Variants in ADAMTS17 observed in about 807,000 individuals in gnomAD.
ADAMTS17 encodes ADAM metallopeptidase with thrombospondin type 1 motif 17.
Under a neutral mutation model 141.5 loss-of-function variants are expected in ADAMTS17, and 113 were observed. That is an observed-to-expected ratio of 0.80 (90% CI 0.69 to 0.93). The LOEUF (loss-of-function observed/expected upper bound fraction) is 0.93, where lower values mean the gene tolerates loss of function less well. ADAMTS17 is among the 40% of genes least tolerant of loss of function. The pLI is 0.00. For synonymous variants in ADAMTS17, 768 were observed against 630.6 expected (o/e 1.22, Z -3.27); for missense variants, 1,659 against 1,517.9 (o/e 1.09, Z -1.54).
chr15:100,046,575 C>G (rs370975611), intron 18 of ADAMTS17, among the ~76,000 whole-genome samples: 1 of 152,186 alleles, frequency 6.6e-6, no homozygotes, highest in Non-Finnish European at 1.5e-5. Context: ...GGCAGAAGAA[C>G]GTGGATTGTG....
chr15:100,026,586 A>G (rs1286737585), intron 18 of ADAMTS17, among the ~76,000 whole-genome samples: 1 of 152,228 alleles, frequency 6.6e-6, no homozygotes, highest in Non-Finnish European at 1.5e-5. Context: ...ACCTTATGCT[A>G]TCACACTTCA....
At chr15:100,093,403 G>C (rs34356112) in intron 15 of ADAMTS17, among the ~76,000 whole-genome samples, 30,779 of 151,862 alleles carry the variant, frequency 0.2, 3,789 homozygotes, top group East Asian at 0.53. Flanking sequence ...GATATTCACC[G>C]TTAAGGGTGA....
intron 8 of ADAMTS17, among the ~76,000 whole-genome samples, chr15:100,172,489 C>T (rs2141477316): frequency 6.6e-6 from 1 of 152,280 alleles, no homozygotes; most frequent in South Asian, 2.1e-4. Context: ...CTGCCCCATC[C>T]TGACTCATCC....
chr15:100,066,617 T>C (rs886135376), intron 15 of ADAMTS17, among the ~76,000 whole-genome samples: 1 of 152,206 alleles, frequency 6.6e-6, no homozygotes, highest in African/African-American at 2.4e-5. Context: ...ATGGTGTTCT[T>C]GGGCATTTGA....
intron 3 of ADAMTS17, among the ~76,000 whole-genome samples, chr15:100,327,921 C>T (rs981201766): frequency 6.6e-6 from 1 of 152,210 alleles, no homozygotes; most frequent in African/African-American, 2.4e-5. Context: ...TCCTTCTAGC[C>T]ACCAACCCTG....
In ADAMTS17 at chr15:100,330,879, C is replaced by T. The variant is rs1385879125; in HGVS notation, c.616+10G>A. The T allele has an allele frequency of 6.2e-6, 10 of 1,613,858 alleles. No homozygotes were observed. Among genetic ancestry groups the T allele is most frequent in the East Asian group, 2.2e-5 (1 of 44,860 alleles). On this transcript the variant is annotated intron_variant, in intron 3 of 21. Coordinates refer to ENST00000268070, the MANE Select transcript of ADAMTS17 (RefSeq NM_139057.4). ...TGTTCTAAGCTGGTCATGCTGCTGC[C>T]CCGACTCACCTGTTAGAACCTTGCA...
chr15:100,155,355 T>C (rs780218536), intron 8 of ADAMTS17, 35 bp from the exon 9 acceptor site: 31 of 1,602,364 alleles, frequency 1.9e-5, no homozygotes, highest in Non-Finnish European at 2.6e-5. Context: ...ATGCTTATGC[T>C]ACAAGCTTCT....
At chr15:100,107,883 G>A (rs1281874256) in intron 14 of ADAMTS17, among the ~76,000 whole-genome samples, 1 of 152,160 alleles carries the variant, frequency 6.6e-6, no homozygotes, top group Non-Finnish European at 1.5e-5. Flanking sequence ...TGACTAAGAT[G>A]CTGGGGCTCT....
In ADAMTS17 at chr15:100,262,503, G is replaced by C; in HGVS notation, c.790-68C>G. 3 of 1,193,406 alleles carry C rather than the reference G, an allele frequency of 2.5e-6. No homozygotes were observed. In the South Asian group the frequency reaches 4.0e-5, roughly 16 times the overall value. The allele number at this position is 1,193,406 out of a possible 1,614,324, so 73.9% of individuals were successfully genotyped here. A position where few individuals can be genotyped will look rare whatever the true frequency, so the allele number is the denominator to read the frequency against. ...ATTTTAAAAATACAGTAGTATCCTA[G>C]ATGGGAACTTGGGACACAGAAAAGA... On this transcript the variant is annotated intron_variant, in intron 4 of 21. Transcript: ENST00000268070.
At chr15:100,234,592 C>T (rs907801343) in intron 7 of ADAMTS17, among the ~76,000 whole-genome samples, 2 of 152,226 alleles carry the variant, frequency 1.3e-5, no homozygotes, top group African/African-American at 2.4e-5. Flanking sequence ...TGGTCCAACA[C>T]GTGACTGTCT....
At chr15:100,020,243 A>G (rs955952381) in intron 18 of ADAMTS17, among the ~76,000 whole-genome samples, 2 of 152,172 alleles carry the variant, frequency 1.3e-5, no homozygotes, top group Admixed American at 1.3e-4. Flanking sequence ...CTGCTGCTCC[A>G]CTTTGGACAT....
At chr15:100,003,128 A>C (rs966037503) in intron 18 of ADAMTS17, among the ~76,000 whole-genome samples, 3 of 151,902 alleles carry the variant, frequency 2.0e-5, no homozygotes, top group Admixed American at 1.3e-4. Flanking sequence ...CAGCCTCCCA[A>C]CCCCACCATG....
intron 2 of ADAMTS17, among the ~76,000 whole-genome samples, chr15:100,331,408 C>T (rs2046050364): frequency 6.6e-6 from 1 of 152,094 alleles, no homozygotes; most frequent in African/African-American, 2.4e-5. Flanking sequence ...ACCTGGGAGG[C>T]AACACTGAAA....
At chr15:100,018,215 C>T (rs80084784) in intron 18 of ADAMTS17, among the ~76,000 whole-genome samples, 2,313 of 152,308 alleles carry the variant, frequency 0.015, 57 homozygotes, top group African/African-American at 0.051. Flanking sequence ...CCTCAATGTG[C>T]ATCTGTGTCG....
At chr15:100,340,316 G>A (rs1219817687) in intron 2 of ADAMTS17, among the ~76,000 whole-genome samples, 1 of 152,206 alleles carries the variant, frequency 6.6e-6, no homozygotes, top group African/African-American at 2.4e-5. Context: ...CAACAGGCCA[G>A]GAACTTCGGG....
intron 7 of ADAMTS17, among the ~76,000 whole-genome samples, chr15:100,211,227 T>C (rs1251948099): frequency 7.1e-6 from 1 of 140,018 alleles, no homozygotes; most frequent in East Asian, 2.1e-4. Context: ...ACCTGGGAGG[T>C]GGAGGTTGCA....
At chr15:100,157,490 C>T (rs770594966) in intron 8 of ADAMTS17, among the ~76,000 whole-genome samples, 3 of 152,222 alleles carry the variant, frequency 2.0e-5, no homozygotes, top group East Asian at 1.9e-4. Context: ...GTGTCTGCAT[C>T]GCCACCTAGG....
At chr15:100,140,500 T>TATATATATATATATATATAG (rs2038584060) in intron 10 of ADAMTS17, among the ~76,000 whole-genome samples, 1 of 146,664 alleles carries the variant, frequency 6.8e-6, no homozygotes, top group Non-Finnish European at 1.5e-5. Flanking sequence ...TATATATATA[T>TATATATATATATATATATAG]ATATATATCC....
At position 100,311,722 on chromosome 15, in the gene ADAMTS17, G is replaced by T. The variant is rs547533435; in HGVS notation, c.616+19167C>A. On this transcript the variant is annotated intron_variant, in intron 3 of 21. Transcript: ENST00000268070. ...CTTTTATTTTTTGTTTCAATGTTTA[G>T]ATTTTAGCTTTTCTTTCTTAATCAA... 5.3e-5 allele frequency among the ~76,000 whole-genome samples: 8 copies of T among 152,040 alleles called. No homozygotes were observed. The East Asian group carries it at 1.5e-3, about 29-fold the overall frequency.
Sources: allele counts gnomAD v4.1 joint callset (sites outside exome capture counted in the v4.1 genomes callset), GRCh38; gene constraint gnomAD v4.1.1; transcripts MANE v1.5; gene names NCBI Gene and HGNC (gene_info 2026-07-23, HGNC 2026-07-21).